DNAH9: variants seen among roughly 807,000 people sequenced by gnomAD.
DNAH9 encodes the protein DNAH9 variant protein.
DNAH9 carries 345 observed loss-of-function variants against 471.6 expected under a neutral mutation model. The ratio of observed to expected loss-of-function variants is 0.73; its 90% confidence interval spans 0.67 to 0.80. The LOEUF is 0.80. Ranked by LOEUF, DNAH9 falls within the 30% of genes least tolerant of loss-of-function variation. DNAH9 has a pLI of 0.00. For missense variants in DNAH9, 5,407 were observed against 5,609.2 expected (o/e 0.96, Z 1.15); for synonymous variants, 2,093 against 2,123.6 (o/e 0.99, Z 0.40).
chr17:11,604,087 A>G (rs2072445368), intron 1 of DNAH9, among the ~76,000 whole-genome samples: 1 of 149,752 alleles, frequency 6.7e-6, no homozygotes. Flanking sequence ...CAGTGGCATG[A>G]TCTCCGCTTG....
intron 49 of DNAH9, among the ~76,000 whole-genome samples, chr17:11,844,039 C>CTTAA (rs57869473): frequency 0.49 from 72,579 of 149,178 alleles, 18,172 homozygotes; most frequent in Non-Finnish European, 0.55. Flanking sequence ...AGTATATACT[C>CTTAA]TTAATAAATG....
intron 31 of DNAH9, among the ~76,000 whole-genome samples, chr17:11,745,676 AT>A (rs2075513410): frequency 6.6e-6 from 1 of 152,248 alleles, no homozygotes; most frequent in Non-Finnish European, 1.5e-5. Context: ...TTTGAAGGAA[AT>A]TTTAAAAAAT....
chr17:11,756,475 C>A, intron 33 of DNAH9, 93 bp from the exon 34 acceptor site: 1 of 767,712 alleles, frequency 1.3e-6, no homozygotes, highest in Non-Finnish European at 2.3e-6. Context: ...CTCCATAATC[C>A]CAACCAAACC....
intron 1 of DNAH9, among the ~76,000 whole-genome samples, chr17:11,603,672 C>T (rs1014391530): frequency 1.3e-5 from 2 of 152,188 alleles, no homozygotes; most frequent in African/African-American, 4.8e-5. Flanking sequence ...CACCAGCTGT[C>T]ACCCTATGTT....
chr17:11,802,500 C>T (rs1350972686), intron 43 of DNAH9, among the ~76,000 whole-genome samples: 3 of 152,032 alleles, frequency 2.0e-5, no homozygotes. Flanking sequence ...GGCATGGTGG[C>T]AGACACCTGT....
At position 11,854,075 on chromosome 17, in the gene DNAH9, G is replaced by C; in HGVS notation, c.9580G>C (p.Val3194Leu). Reference sequence around the variant, plus strand: ...CAGCAATGTCAGCGCTGCGGTGATGGTACTGATGGCTCCCAGGGGTAGGGT... The same window carrying C: ...CAGCAATGTCAGCGCTGCGGTGATGCTACTGATGGCTCCCAGGGGTAGGGT... ...AVSNVSAAVM[V>L]LMAPRGRVPK... is the part of the protein sequence containing the mutation. The change falls in exon 50 of 69, where the codon GTA (valine) becomes CTA (leucine). Residue 3194 changes from valine to leucine, a missense_variant. Val to Leu is a conservative substitution (Grantham distance 32, BLOSUM62 1). Coordinates refer to ENST00000262442, the MANE Select transcript of DNAH9 (RefSeq NM_001372.4). The C allele has an allele frequency of 6.2e-7, 1 of 1,614,156 alleles. No homozygotes were observed. The highest frequency in any genetic ancestry group is 8.5e-7 in the Non-Finnish European group (1 of 1,180,032).
intron 26 of DNAH9, among the ~76,000 whole-genome samples, chr17:11,717,814 G>A (rs1269340702): frequency 6.6e-6 from 1 of 152,076 alleles, no homozygotes; most frequent in Non-Finnish European, 1.5e-5. Flanking sequence ...TCAGGCAGCC[G>A]CTGATCTGCT....
chr17:11,938,548 G>A (rs995184297), intron 66 of DNAH9, among the ~76,000 whole-genome samples: 10 of 150,866 alleles, frequency 6.6e-5, no homozygotes, highest in Admixed American at 6.0e-4. Flanking sequence ...TCCTAAAGAT[G>A]TATTTGTACC....
chr17:11,781,081 A>G lies in DNAH9; in HGVS notation c.7625A>G (p.Tyr2542Cys), dbSNP rs901725440. The part of the protein sequence containing the change: ...YGPPGNKKLI[Y>C]FIDDMNMPEV... ...CCTCCAGGGAACAAGAAACTCATCT[A>G]TTTCATTGATGACATGAACATGCCT... Residue 2542 changes from tyrosine (Y) to cysteine (C), a missense_variant, in exon 39 of 69, where the codon TAT becomes TGT. Tyr to Cys is a radical substitution (Grantham distance 194). This residue lies in a region of DNAH9 where 4,636 missense variants were observed against 4,900.3 expected (regional missense o/e 0.95). Transcript: ENST00000262442. 2.4e-5 allele frequency: 39 copies of G among 1,614,142 alleles called. No individual in the cohort carries two copies. The highest frequency in any genetic ancestry group is 3.3e-5 in the Non-Finnish European group (39 of 1,180,030).
At chr17:11,911,495 T>C (rs976797045) in intron 61 of DNAH9, among the ~76,000 whole-genome samples, 2 of 152,222 alleles carry the variant, frequency 1.3e-5, no homozygotes, top group Non-Finnish European at 2.9e-5. Context: ...ATGATTGTGT[T>C]TGCTACTCTG....
chr17:11,605,394 C>T (rs531650276), intron 1 of DNAH9, among the ~76,000 whole-genome samples: 1 of 152,250 alleles, frequency 6.6e-6, no homozygotes, highest in Non-Finnish European at 1.5e-5. Context: ...ACGGGTGTAT[C>T]CTCCTAGCAC....
intron 43 of DNAH9, among the ~76,000 whole-genome samples, chr17:11,804,980 G>A (rs1969613789): frequency 1.3e-5 from 2 of 151,870 alleles, no homozygotes; most frequent in Non-Finnish European, 2.9e-5. Flanking sequence ...CTTGAACCTG[G>A]GAGGCAGAGG....
At chr17:11,869,788 T>G (rs12452241) in intron 51 of DNAH9, among the ~76,000 whole-genome samples, 70,325 of 151,964 alleles carry the variant, frequency 0.46, 16,657 homozygotes, top group Admixed American at 0.59. Flanking sequence ...TGTTTGTTTC[T>G]GCATAAAAAA....
rs577944807 is a variant in DNAH9 at position 11,925,180 on chromosome 17, T to C, written c.11877+1239T>C. On this transcript the variant is annotated intron_variant, in intron 62 of 68. Transcript: ENST00000262442. ...TTTAGGTAAAGAGATGTTCCTTCTTTACCTTTTATCACCCAGCCCACTGCC... is the reference window on the plus strand; with the variant it reads ...TTTAGGTAAAGAGATGTTCCTTCTTCACCTTTTATCACCCAGCCCACTGCC... The C allele has an allele frequency of 3.3e-5, 15 of 455,928 alleles. No individual in the cohort carries two copies. The East Asian group carries it at 9.7e-4, about 30-fold the overall frequency. 28.2% of individuals were successfully genotyped at this position (455,928 alleles called of 1,614,324 possible).
intron 22 of DNAH9, among the ~76,000 whole-genome samples, chr17:11,695,725 G>A (rs2074464160): frequency 6.6e-6 from 1 of 152,182 alleles, no homozygotes; most frequent in African/African-American, 2.4e-5. Context: ...CACTCCCACT[G>A]TTTCTGATTC....
intron 62 of DNAH9, among the ~76,000 whole-genome samples, chr17:11,929,211 T>C (rs1228347468): frequency 6.6e-6 from 1 of 151,932 alleles, no homozygotes; most frequent in Non-Finnish European, 1.5e-5. Flanking sequence ...ATTTTTTGTA[T>C]TTTTAGTAGA....
At chr17:11,760,814 G>T (rs959421427) in intron 35 of DNAH9, among the ~76,000 whole-genome samples, 11 of 152,202 alleles carry the variant, frequency 7.2e-5, no homozygotes, top group Non-Finnish European at 1.5e-4. Context: ...CGCCGCGCCC[G>T]GCGGATGTCT....
In DNAH9 at chr17:11,781,023, C is replaced by G; in HGVS notation, c.7567C>G (p.Pro2523Ala). ...TCTCTCCCCAGCTGTCCTGGAGAAGCCTCTGGAAAAGAAGGCTGGCAGAAA... is the reference window on the plus strand; with the variant it reads ...TCTCTCCCCAGCTGTCCTGGAGAAGGCTCTGGAAAAGAAGGCTGGCAGAAA... ...SAMLQAVLEKPLEKKAGRNYG... is the reference protein window; with the variant it reads ...SAMLQAVLEKALEKKAGRNYG... Residue 2523 changes from proline to alanine, a missense_variant, in exon 39 of 69, where the codon CCT (proline) becomes GCT (alanine). Transcript: ENST00000262442. 1 of 1,613,964 alleles carries G rather than the reference C, an allele frequency of 6.2e-7. No individual in the cohort carries two copies. The highest frequency in any genetic ancestry group is 1.1e-5 in the South Asian group (1 of 91,026).
chr17:11,863,344 A>G (rs1971927603), intron 50 of DNAH9, among the ~76,000 whole-genome samples: 1 of 152,054 alleles, frequency 6.6e-6, no homozygotes, highest in African/African-American at 2.4e-5. Context: ...TGTATATTGA[A>G]CCAGCCTTGC....
Sources: gnomAD v4.1 joint callset for allele counts (sites outside exome capture counted in the v4.1 genomes callset) on GRCh38, gnomAD v4.1.1 for gene constraint, gnomAD v4.1.1 regional missense constraint, MANE v1.5 for transcripts, NCBI Gene and HGNC (gene_info 2026-07-23, HGNC 2026-07-21) for gene names.